The following COG8 variants were observed in gnomAD, a reference collection of about 807,000 sequenced individuals.
COG8 encodes conserved oligomeric Golgi complex subunit 8.
A neutral mutation model predicts 46.5 loss-of-function variants in COG8; 45 were observed. The observed-to-expected ratio is 0.97, with a 90% CI of 0.76 to 1.24. The LOEUF (loss-of-function observed/expected upper bound fraction) is 1.24. Ranked by LOEUF, COG8 falls within the 50% of genes most tolerant of loss-of-function variation. The pLI is 0.00. For synonymous variants in COG8, 407 were observed against 347.8 expected, an observed-to-expected ratio of 1.17 and a Z score of -1.90; for missense variants, 793 against 820.8, an observed-to-expected ratio of 0.97 and a Z score of 0.41.
Position 69,329,010 on chromosome 16 carries a change from A to AG in COG8, c.*195dup. ...CTTGGTATCCGGAATCCTCAGCCCCAGTAGCAAAGCTTTAGTCATTCACCT... is the reference window on the plus strand; with the variant it reads ...CTTGGTATCCGGAATCCTCAGCCCCAGGTAGCAAAGCTTTAGTCATTCACCT... On this transcript the variant is annotated 3_prime_UTR_variant, in exon 6 of 6. Coordinates refer to ENST00000306875, the MANE Select transcript of COG8 (RefSeq NM_032382.5). The AG allele has an allele frequency of 6.2e-7, 1 of 1,601,358 alleles. No homozygotes were observed. Among genetic ancestry groups the AG allele is most frequent in the Non-Finnish European group, 8.5e-7 (1 of 1,176,298 alleles).
chr16:69,332,492 A>C, intron 4 of COG8: 1 of 624,952 alleles, frequency 1.6e-6, no homozygotes, highest in South Asian at 1.9e-5. Flanking sequence ...TGAAATGTCC[A>C]GAAGAGGCAA....
intron 4 of COG8, among the ~76,000 whole-genome samples, chr16:69,331,342 C>T (rs1282185048): frequency 6.7e-6 from 1 of 149,136 alleles, no homozygotes; most frequent in Non-Finnish European, 1.5e-5. Flanking sequence ...ATCCCAGCTA[C>T]TTGGGAAGGC....
At chr16:69,331,324 G>A (rs968070773) in intron 4 of COG8, among the ~76,000 whole-genome samples, 3 of 151,530 alleles carry the variant, frequency 2.0e-5, no homozygotes, top group Non-Finnish European at 4.4e-5. Flanking sequence ...TGGTGGCGCA[G>A]GCCTGTAATC....
In COG8 at chr16:69,330,918, C is replaced by T; in HGVS notation, c.1760G>A (p.Arg587His). 6.4e-7 allele frequency: 1 copy of T among 1,557,480 alleles called. No homozygotes were observed. Among genetic ancestry groups the T allele is most frequent in the Non-Finnish European group, 8.7e-7 (1 of 1,150,800 alleles). Residue 587 changes from arginine to histidine, a missense_variant, in exon 5 of 6, where the codon CGC becomes CAC. By Grantham distance (29) the Arg-to-His change is conservative (BLOSUM62 0). Transcript: ENST00000306875. Reference protein sequence around the residue: ...PAPEPPAEEPRLEPAGPACPE... With the variant: ...PAPEPPAEEPHLEPAGPACPE... The stretch of plus-strand genomic sequence containing the variant: ...GCAGGCTGGGCCCGCGGGCTCCAGG[C>T]GTGGCTCCTCGGCGGGAGGCTCTGG...
Position 69,328,134 on chromosome 16 carries a change from G to A in COG8, c.*1072C>T, listed in dbSNP as rs1401391450. ...GGCTAATTTTTGTATCTTTAGTAGA[G>A]ACAGGGTTTCACCATCTTGGCCAGG... On this transcript the variant is annotated 3_prime_UTR_variant, in exon 6 of 6. Coordinates refer to ENST00000306875, the MANE Select transcript of COG8 (RefSeq NM_032382.5). The A allele has an allele frequency of 6.6e-6, 1 of 152,156 alleles. No homozygotes were observed. Among genetic ancestry groups the A allele is most frequent in the Non-Finnish European group, 1.5e-5 (1 of 68,044 alleles). 9.4% of individuals were successfully genotyped at this position (152,156 alleles called of 1,614,324 possible).
chr16:69,330,595 G>A, intron 5 of COG8: 1 of 1,421,804 alleles, frequency 7.0e-7, no homozygotes, highest in Non-Finnish European at 9.1e-7. Context: ...CAGTGACCCG[G>A]CCCGCCCCTT....
intron 5 of COG8, chr16:69,330,385 C>G: frequency 6.8e-7 from 1 of 1,479,308 alleles, no homozygotes. Context: ...GCGAGAACGG[C>G]GGTTCGGGAG....
At position 69,330,866 on chromosome 16, in the gene COG8, C is replaced by T. The variant is rs1056616056; in HGVS notation, c.1812G>A (p.Gln604=). 3.2e-6 allele frequency: 5 copies of T among 1,544,172 alleles called. 1 individual carries two copies. The South Asian group carries it at 6.0e-5, about 18-fold the overall frequency. The change falls in exon 5 of 6, where the codon CAG becomes CAA. Residue 604 remains glutamine (Q), a synonymous_variant. Coordinates refer to ENST00000306875, the MANE Select transcript of COG8 (RefSeq NM_032382.5). ...AGGGCCCCACGCTGGGCGGTTCGGC[C>T]TGCGTCTCCGCTCGCCCTCCCTCCG... ...ACPEGGRAET[Q]AEPPSVGP
At chr16:69,337,221 C>T (rs996182153) in intron 1 of COG8, among the ~76,000 whole-genome samples, 13 of 146,706 alleles carry the variant, frequency 8.9e-5, no homozygotes, top group Non-Finnish European at 1.6e-4. Context: ...GTGGAGGTTG[C>T]GGTGAGCAGA....
Position 69,332,703 on chromosome 16 carries a change from C to T in COG8, c.1582+11G>A. 6.2e-7 allele frequency: 1 copy of T among 1,611,392 alleles called. No homozygotes were observed. Among genetic ancestry groups the T allele is most frequent in the East Asian group, 2.2e-5 (1 of 44,878 alleles). ...TCAGTAAGGCAGTTTACAGAATTTT[C>T]ATTCTCTTACCTAAAGTCTGTGCTA... On this transcript the variant is annotated intron_variant, in intron 4 of 5. Transcript: ENST00000306875.
chr16:69,335,908 T>G (rs1476497084), intron 2 of COG8, among the ~76,000 whole-genome samples: 1 of 152,056 alleles, frequency 6.6e-6, no homozygotes, highest in East Asian at 1.9e-4. Context: ...GGACTTACAC[T>G]GGTGGCCCTA....
chr16:69,329,878 C>T, intron 5 of COG8: 1 of 1,255,462 alleles, frequency 8.0e-7, no homozygotes, highest in Non-Finnish European at 1.1e-6. Context: ...GCTCCCGCAT[C>T]CCACTTCGCT....
intron 5 of COG8, among the ~76,000 whole-genome samples, chr16:69,329,384 G>A (rs577716696): frequency 3.7e-4 from 57 of 152,300 alleles, no homozygotes; most frequent in African/African-American, 1.2e-3. Flanking sequence ...CCCAACTCTG[G>A]TAATTAGGTT....
intron 5 of COG8, chr16:69,330,088 A>G (rs2011658134): frequency 1.3e-6 from 2 of 1,576,002 alleles, no homozygotes; most frequent in East Asian, 2.4e-5. Flanking sequence ...GGCGGCTGTC[A>G]AGCACTCGCA....
chr16:69,338,459 G>A (rs2012328069), intron 1 of COG8: 1 of 152,192 alleles, frequency 6.6e-6, no homozygotes. Context: ...GATGACCTCC[G>A]GTCCACGCTT....
Position 69,328,897 on chromosome 16 carries a change from C to T in COG8, c.*309G>A, listed in dbSNP as rs1489693730. On this transcript the variant is annotated 3_prime_UTR_variant, in exon 6 of 6. Coordinates refer to ENST00000306875, the MANE Select transcript of COG8 (RefSeq NM_032382.5). ...TCTTCCTCCAGCTCAGTCTGCCATG[C>T]CTTGGCAATCCAGTTTCCTGTCATA... 1.6e-6 allele frequency: 2 copies of T among 1,259,874 alleles called. No homozygotes were observed. The highest frequency in any genetic ancestry group is 2.5e-5 in the Admixed American group (1 of 40,328). The allele number at this position is 1,259,874 out of a possible 1,614,324, so 78.0% of individuals were successfully genotyped here. A position where few individuals can be genotyped will look rare whatever the true frequency, so the allele number is the denominator to read the frequency against.
chr16:69,332,715 T>A lies in COG8; in HGVS notation c.1581A>T (p.Leu527Phe). ...TTTACAGAATTTTCATTCTCTTACCTAAAGTCTGTGCTATCTGAGCTGGTG... is the reference window on the plus strand; with the variant it reads ...TTTACAGAATTTTCATTCTCTTACCAAAAGTCTGTGCTATCTGAGCTGGTG... ...LFPPAQIAQT[L>F]GIPPTQLSKY... is the part of the protein sequence containing the mutation. Residue 527 changes from leucine to phenylalanine, a missense_variant and splice_region_variant, in exon 4 of 6, where the codon TTA becomes TTT. Transcript: ENST00000306875. 6.2e-7 allele frequency: 1 copy of A among 1,613,614 alleles called. No individual in the cohort carries two copies. Among genetic ancestry groups the A allele is most frequent in the Non-Finnish European group, 8.5e-7 (1 of 1,179,454 alleles).
chr16:69,335,113 G>A lies in COG8; in HGVS notation c.821C>T (p.Thr274Ile), dbSNP rs1265626254. 9.3e-6 allele frequency: 15 copies of A among 1,614,200 alleles called. 1 individual carries two copies. The South Asian group carries it at 1.6e-4, about 18-fold the overall frequency. The change falls in exon 3 of 6, where the codon ACC becomes ATC. Residue 274 changes from threonine to isoleucine, a missense_variant. By Grantham distance (89) the Thr-to-Ile change is moderately conservative (BLOSUM62 -1). Transcript: ENST00000306875. ...GAGATGGACACGGGAGGCCTCGATG[G>A]TTTTTGTAATATGGAAATAGGGATC... ...NDDPYFHITK[T>I]IEASRVHLFD...
rs9928658 is a variant in COG8, at chr16:69,331,220, G to T, written c.1583-125C>A. On this transcript the variant is annotated intron_variant, in intron 4 of 5. Transcript: ENST00000306875. ...CCCAGCACTTTGGGAGGCCGGGGAG[G>T]GGGGGGCGGATCACCTGAGGTCAGG... 0.24 allele frequency: 229,479 copies of T among 966,568 alleles called. 29,551 individuals are homozygous for T. Among genetic ancestry groups the T allele is most frequent in the South Asian group, 0.28 (20,423 of 72,232 alleles). The allele number at this position is 966,568 out of a possible 1,614,324, so 59.9% of individuals were successfully genotyped here.
Sources: gnomAD v4.1 joint callset for allele counts (sites outside exome capture counted in the v4.1 genomes callset) on GRCh38, gnomAD v4.1.1 for gene constraint, MANE v1.5 for transcripts, NCBI Gene and HGNC (gene_info 2026-07-23, HGNC 2026-07-21) for gene names.